Variants in TMEM26 observed in about 807,000 individuals in gnomAD.
TMEM26 encodes transmembrane protein 26.
In TMEM26, 38 loss-of-function variants were observed where a neutral mutation model predicts 28.8. The observed-to-expected ratio is 1.32, with a 90% CI of 1.02 to 1.73. The LOEUF is 1.73. Among genes scored for constraint, TMEM26 ranks in the 40% most tolerant of loss-of-function variants. TMEM26 has a pLI of 0.00. For missense variants in TMEM26, 518 were observed against 447.1 expected, an observed-to-expected ratio of 1.16 and a Z score of -1.43; for synonymous variants, 227 against 182.9, an observed-to-expected ratio of 1.24 and a Z score of -1.95.
At chr10:61,434,758 C>T (rs1212475719) in intron 2 of TMEM26, among the ~76,000 whole-genome samples, 1 of 152,134 alleles carries the variant, frequency 6.6e-6, no homozygotes, top group Non-Finnish European at 1.5e-5. Context: ...CAAAAGTAGT[C>T]CACAGAACTA....
chr10:61,446,683 G>C (rs1173332123), intron 1 of TMEM26, among the ~76,000 whole-genome samples: 2 of 151,604 alleles, frequency 1.3e-5, no homozygotes, highest in Admixed American at 6.6e-5. Flanking sequence ...ACCAGGCGTG[G>C]TGGCACGCAC....
intron 5 of TMEM26, chr10:61,413,049 T>C: frequency 1.0e-6 from 1 of 995,050 alleles, no homozygotes; most frequent in East Asian, 6.3e-5. Context: ...AATAAAACTT[T>C]TATGGCAGCA....
In TMEM26 at chr10:61,431,345, T is replaced by C; in HGVS notation, c.271-13A>G. ...GGATACTGCAATACTAAGAATGGGG[T>C]CAGGGAAGGCAATTATGGCAAAAAA... On this transcript the variant is annotated splice_polypyrimidine_tract_variant and intron_variant, in intron 2 of 5. Transcript: ENST00000399298. 1 of 1,608,088 alleles carries C rather than the reference T, an allele frequency of 6.2e-7. No homozygotes were observed. Among genetic ancestry groups the C allele is most frequent in the Non-Finnish European group, 8.5e-7 (1 of 1,175,108 alleles).
At chr10:61,434,850 T>C (rs974362541) in intron 2 of TMEM26, among the ~76,000 whole-genome samples, 2 of 152,190 alleles carry the variant, frequency 1.3e-5, no homozygotes, top group Non-Finnish European at 2.9e-5. Context: ...GGTTACATAT[T>C]GGGGGCTTAA....
intron 1 of TMEM26, 121 bp from the exon 2 acceptor site, chr10:61,436,369 T>C (rs1840009140): frequency 1.8e-6 from 1 of 554,444 alleles, no homozygotes. Context: ...TCAAACCTTT[T>C]CGTATAACTT....
intron 1 of TMEM26, among the ~76,000 whole-genome samples, chr10:61,439,531 A>G (rs1322709031): frequency 2.0e-5 from 3 of 152,364 alleles, no homozygotes; most frequent in Admixed American, 6.5e-5. Flanking sequence ...GTCTGGTATC[A>G]AGTAACCTCT....
At chr10:61,422,142 C>T (rs1214439940) in intron 4 of TMEM26, among the ~76,000 whole-genome samples, 1 of 151,810 alleles carries the variant, frequency 6.6e-6, no homozygotes, top group East Asian at 1.9e-4. Context: ...ACATACAGAG[C>T]CCCAAAATAT....
intron 4 of TMEM26, chr10:61,414,948 T>A: frequency 1.0e-6 from 1 of 980,386 alleles, no homozygotes; most frequent in Non-Finnish European, 1.2e-6. Flanking sequence ...TACTGTTAGG[T>A]GGATTCCTGT....
At chr10:61,415,733 A>T (rs1340599652) in intron 4 of TMEM26, among the ~76,000 whole-genome samples, 1 of 152,042 alleles carries the variant, frequency 6.6e-6, no homozygotes, top group Admixed American at 6.6e-5. Flanking sequence ...TCTATTCTAC[A>T]ATGTTCAGAA....
intron 3 of TMEM26, 94 bp downstream of exon 3, chr10:61,431,125 G>C (rs1260187514): frequency 2.1e-6 from 2 of 972,518 alleles, no homozygotes; most frequent in Non-Finnish European, 1.6e-6. Context: ...CTTCAGGAAA[G>C]AATTAGCTGG....
intron 1 of TMEM26, among the ~76,000 whole-genome samples, chr10:61,451,396 G>A (rs1412915171): frequency 2.0e-5 from 3 of 152,096 alleles, no homozygotes; most frequent in Non-Finnish European, 4.4e-5. Flanking sequence ...TTGGTGGCAG[G>A]ACTATTTTCC....
chr10:61,433,447 T>G (rs1839954775), intron 2 of TMEM26, among the ~76,000 whole-genome samples: 2 of 152,158 alleles, frequency 1.3e-5, no homozygotes. Flanking sequence ...TTTAAACTCT[T>G]ATTAGCTTCA....
chr10:61,419,023 C>T (rs894778224), intron 4 of TMEM26, among the ~76,000 whole-genome samples: 2 of 152,124 alleles, frequency 1.3e-5, no homozygotes, highest in African/African-American at 2.4e-5. Context: ...CCAAAAACTA[C>T]ATAGCCATAG....
chr10:61,420,039 A>G (rs931130278), intron 4 of TMEM26, among the ~76,000 whole-genome samples: 3 of 152,182 alleles, frequency 2.0e-5, no homozygotes, highest in African/African-American at 7.2e-5. Context: ...AAATCTGTGT[A>G]TAATTTTGAC....
chr10:61,426,200 A>T (rs1589032590), intron 4 of TMEM26, among the ~76,000 whole-genome samples: 1 of 152,144 alleles, frequency 6.6e-6, no homozygotes. Flanking sequence ...TTTATAATTC[A>T]AATTCCATGA....
intron 1 of TMEM26, among the ~76,000 whole-genome samples, chr10:61,449,353 A>C (rs1254791320): frequency 6.6e-6 from 1 of 152,208 alleles, no homozygotes; most frequent in Non-Finnish European, 1.5e-5. Flanking sequence ...GGATTCCAAC[A>C]AATCAAACCT....
At chr10:61,435,571 A>G (rs943222752) in intron 2 of TMEM26, among the ~76,000 whole-genome samples, 1 of 152,116 alleles carries the variant, frequency 6.6e-6, no homozygotes, top group Non-Finnish European at 1.5e-5. Flanking sequence ...CTCCCCTTTA[A>G]TCTTAGTTTC....
intron 1 of TMEM26, among the ~76,000 whole-genome samples, chr10:61,452,187 C>G (rs576468254): frequency 6.6e-6 from 1 of 152,190 alleles, no homozygotes; most frequent in Non-Finnish European, 1.5e-5. Flanking sequence ...AAGCACCACA[C>G]GTGGCGTGTA....
At chr10:61,413,290 C>T (rs750960073) in intron 5 of TMEM26, among the ~76,000 whole-genome samples, 169 bp downstream of exon 5, 1 of 152,094 alleles carries the variant, frequency 6.6e-6, no homozygotes, top group Non-Finnish European at 1.5e-5. Context: ...ACAGTGGATC[C>T]ACTCTTCTTG....
Sources: gnomAD v4.1 joint callset for allele counts (sites outside exome capture counted in the v4.1 genomes callset) on GRCh38, gnomAD v4.1.1 for gene constraint, MANE v1.5 for transcripts, NCBI Gene and HGNC (gene_info 2026-07-23, HGNC 2026-07-21) for gene names.